The following GRIN2B variants were observed in gnomAD, a reference collection of about 807,000 sequenced individuals.
The protein encoded by GRIN2B is glutamate ionotropic receptor NMDA type subunit 2B.
A neutral mutation model predicts 114.5 loss-of-function variants in GRIN2B; 5 were observed. The observed-to-expected ratio is 0.04, with a 90% confidence interval of 0.02 to 0.09. The LOEUF (loss-of-function observed/expected upper bound fraction) is 0.09. Among genes scored for constraint, GRIN2B ranks in the 10% least tolerant of loss-of-function variants. GRIN2B has a pLI of 1.00. For synonymous variants in GRIN2B, 787 were observed against 745.1 expected (o/e 1.06, Z -0.92); for missense variants, 1,108 against 1,943.5 (o/e 0.57, Z 8.08).
At chr12:13,919,827 A>G (rs1351727688) in intron 2 of GRIN2B, among the ~76,000 whole-genome samples, 1 of 151,874 alleles carries the variant, frequency 6.6e-6, no homozygotes, top group Non-Finnish European at 1.5e-5. Context: ...CAGGAACTCA[A>G]AAAAAAAGCA....
chr12:13,869,359 A>G (rs1016377894), intron 2 of GRIN2B, among the ~76,000 whole-genome samples: 1 of 144,890 alleles, frequency 6.9e-6, no homozygotes, highest in African/African-American at 2.6e-5. Context: ...CCTCACTTTT[A>G]TTCATATTCT....
At chr12:13,912,361 GA>G (rs1231977916) in intron 2 of GRIN2B, among the ~76,000 whole-genome samples, 1 of 152,210 alleles carries the variant, frequency 6.6e-6, no homozygotes, top group African/African-American at 2.4e-5. Context: ...CATAAAGTGA[GA>G]GGGGAAAGTG....
At chr12:13,940,049 A>T (rs1030428876) in intron 2 of GRIN2B, among the ~76,000 whole-genome samples, 1 of 152,144 alleles carries the variant, frequency 6.6e-6, no homozygotes, top group Non-Finnish European at 1.5e-5. Context: ...CAAGCTTATG[A>T]ATATGTGGAG....
chr12:13,847,603 G>A (rs74067121), intron 3 of GRIN2B, among the ~76,000 whole-genome samples: 5,274 of 152,198 alleles, frequency 0.035, 108 homozygotes, highest in Middle Eastern at 0.062. Flanking sequence ...GGAACAGTGG[G>A]TCACAGGAGA....
chr12:13,864,806 A>G (rs1377630729), intron 3 of GRIN2B, among the ~76,000 whole-genome samples: 1 of 152,202 alleles, frequency 6.6e-6, no homozygotes, highest in East Asian at 1.9e-4. Flanking sequence ...GTGGTTGTCA[A>G]TCTTAACTGC....
intron 11 of GRIN2B, among the ~76,000 whole-genome samples, chr12:13,571,545 ACT>A (rs775352850): frequency 6.6e-6 from 1 of 151,966 alleles, no homozygotes; most frequent in Non-Finnish European, 1.5e-5. Context: ...CATTTATTTC[ACT>A]CTTATTTCAT....
intron 3 of GRIN2B, among the ~76,000 whole-genome samples, chr12:13,798,006 T>C (rs886102730): frequency 6.6e-6 from 1 of 152,222 alleles, no homozygotes; most frequent in Non-Finnish European, 1.5e-5. Flanking sequence ...AAAGTCAATC[T>C]TTAAGTCACA....
At chr12:13,713,610 T>A (rs899313578) in intron 4 of GRIN2B, among the ~76,000 whole-genome samples, 7 of 151,896 alleles carry the variant, frequency 4.6e-5, no homozygotes, top group Non-Finnish European at 1.0e-4. Context: ...CATGAACCAA[T>A]ACGTCATTCC....
At chr12:13,734,718 GCCATAGGTA>G (rs1224785903) in intron 4 of GRIN2B, among the ~76,000 whole-genome samples, 4 of 152,172 alleles carry the variant, frequency 2.6e-5, no homozygotes, top group Non-Finnish European at 1.5e-5. Context: ...TATGTGCTAT[GCCATAGGTA>G]TGAACAAAGG....
chr12:13,802,568 A>G (rs1864534388), intron 3 of GRIN2B, among the ~76,000 whole-genome samples: 1 of 152,186 alleles, frequency 6.6e-6, no homozygotes. Flanking sequence ...ATAATATAAA[A>G]TACTGAATAG....
At chr12:13,730,237 C>CA (rs1565516079) in intron 4 of GRIN2B, among the ~76,000 whole-genome samples, 1 of 151,910 alleles carries the variant, frequency 6.6e-6, no homozygotes, top group African/African-American at 2.4e-5. Flanking sequence ...CATTCGTCTT[C>CA]AAAAAATGAG....
chr12:13,910,673 A>T (rs1463574110), intron 2 of GRIN2B, among the ~76,000 whole-genome samples: 2 of 152,156 alleles, frequency 1.3e-5, no homozygotes, highest in Non-Finnish European at 2.9e-5. Context: ...ATTTTTTGTT[A>T]TAAAATATAA....
At chr12:13,653,670 T>C (rs1047203753) in intron 5 of GRIN2B, among the ~76,000 whole-genome samples, 3 of 151,986 alleles carry the variant, frequency 2.0e-5, no homozygotes, top group African/African-American at 7.2e-5. Flanking sequence ...AATTTACACA[T>C]AAGAAATCAC....
chr12:13,928,807 AC>A (rs753165791), intron 2 of GRIN2B, among the ~76,000 whole-genome samples: 1 of 152,234 alleles, frequency 6.6e-6, no homozygotes, highest in Non-Finnish European at 1.5e-5. Context: ...TAAAACTGAA[AC>A]CCTATATGGG....
chr12:13,875,899 C>G (rs1222265873), intron 2 of GRIN2B, among the ~76,000 whole-genome samples: 1 of 152,098 alleles, frequency 6.6e-6, no homozygotes, highest in Non-Finnish European at 1.5e-5. Flanking sequence ...GAGACAGGAT[C>G]CAACACAGAA....
rs994947144 is a variant in GRIN2B at position 13,538,057 on chromosome 12, T to A, written c.*24726A>T. 5 of 152,230 alleles carry A rather than the reference T, an allele frequency of 3.3e-5. No individual in the cohort carries two copies. Among genetic ancestry groups the A allele is most frequent in the Non-Finnish European group, 1.5e-5 (1 of 68,046 alleles). 9.4% of individuals were successfully genotyped at this position (152,230 alleles called of 1,614,324 possible). ...CATTTATATTTTTGAAAGAATTAGTTTGCATTTGTAAAAGAATAGGGGAAT... is the reference window on the plus strand; with the variant it reads ...CATTTATATTTTTGAAAGAATTAGTATGCATTTGTAAAAGAATAGGGGAAT... On this transcript the variant is annotated 3_prime_UTR_variant, in exon 14 of 14. Transcript: ENST00000609686.
rs79395116 is a variant in GRIN2B at position 13,847,064 on chromosome 12, T to C, written c.411+18734A>G. Among the ~76,000 whole-genome samples, 358 of 152,192 alleles carry C rather than the reference T, an allele frequency of 2.4e-3. 2 individuals are homozygous for C. The highest frequency in any genetic ancestry group is 8.3e-3 in the African/African-American group (344 of 41,530). ...AGAAGAGTTAAGCAGGCTAAGAACA[T>C]AGAACTAATAAGGGAGAGCCAGAAT... is the stretch of plus-strand genomic sequence containing the variant. On this transcript the variant is annotated intron_variant, in intron 3 of 13. Coordinates refer to ENST00000609686, the MANE Select transcript of GRIN2B (RefSeq NM_000834.5).
At chr12:13,802,387 A>T (rs1156299257) in intron 3 of GRIN2B, among the ~76,000 whole-genome samples, 1 of 152,158 alleles carries the variant, frequency 6.6e-6, no homozygotes, top group South Asian at 2.1e-4. Context: ...TTTAAAATTA[A>T]TGGAGAGTAA....
At chr12:13,970,151 C>T (rs7298664) in intron 2 of GRIN2B, among the ~76,000 whole-genome samples, 122,594 of 152,136 alleles carry the variant, frequency 0.81, 51,001 homozygotes, top group Middle Eastern at 0.91. Flanking sequence ...CAAGCAAGAC[C>T]TCATGGTGGA....
Sources: gnomAD v4.1 joint callset for allele counts (sites outside exome capture counted in the v4.1 genomes callset) on GRCh38, gnomAD v4.1.1 for gene constraint, MANE v1.5 for transcripts, NCBI Gene and HGNC (gene_info 2026-07-23, HGNC 2026-07-21) for gene names.